Variants in DCUN1D4 observed in about 807,000 individuals in gnomAD.
DCUN1D4 encodes DCN1-like protein 4.
In DCUN1D4, 22 loss-of-function variants were observed where a neutral mutation model predicts 47.9. The ratio of observed to expected loss-of-function variants is 0.46; its 90% CI spans 0.33 to 0.66. DCUN1D4 has a LOEUF of 0.66. Among genes scored for constraint, DCUN1D4 ranks in the 30% least tolerant of loss-of-function variants. The pLI, the probability that DCUN1D4 is intolerant of heterozygous loss-of-function variation, is 0.02. For synonymous variants in DCUN1D4, 121 were observed against 112.2 expected (o/e 1.08, Z -0.50); for missense variants, 301 against 340.8 (o/e 0.88, Z 0.92).
At chr4:51,861,635 C>T (rs951458519) in intron 1 of DCUN1D4, among the ~76,000 whole-genome samples, 2 of 152,188 alleles carry the variant, frequency 1.3e-5, no homozygotes, top group South Asian at 2.1e-4. Context: ...TCTCTCCCCT[C>T]CCTTACCCTC....
chr4:51,837,073 T>G, the DCUN1D4 span, among the ~76,000 whole-genome samples: 1 of 152,256 alleles, frequency 6.6e-6, no homozygotes, highest in Admixed American at 6.5e-5. Flanking sequence ...ATAAAGGTCA[T>G]GCATTGTTTA....
intron 8 of DCUN1D4, 36 bp from the exon 9 acceptor site, chr4:51,911,034 G>A (rs754632372): frequency 1.3e-6 from 2 of 1,574,842 alleles, no homozygotes; most frequent in South Asian, 1.1e-5. Context: ...TTATTTGGGG[G>A]CATCTGGCTC....
intron 1 of DCUN1D4, chr4:51,848,506 A>G (rs923646116): frequency 2.7e-5 from 18 of 658,176 alleles, no homozygotes; most frequent in Middle Eastern, 1.5e-3. Flanking sequence ...TTTACAGAGT[A>G]AAATTTTCTT....
intron 1 of DCUN1D4, among the ~76,000 whole-genome samples, chr4:51,859,500 T>A (rs1183398106): frequency 3.9e-5 from 6 of 152,052 alleles, no homozygotes; most frequent in African/African-American, 1.4e-4. Context: ...AATAATTGTT[T>A]TATTAATGTT....
intron 1 of DCUN1D4, among the ~76,000 whole-genome samples, chr4:51,855,952 C>CAA: frequency 6.6e-6 from 1 of 152,114 alleles, no homozygotes; most frequent in Non-Finnish European, 1.5e-5. Flanking sequence ...GTTTTCTTTT[C>CAA]CCATATCACG....
chr4:51,842,968 G>A (rs537115558), upstream of DCUN1D4: 5 of 1,028,600 alleles, frequency 4.9e-6, no homozygotes, highest in Middle Eastern at 3.5e-4. Context: ...GGGCGTTACG[G>A]AGACAAGGCC....
intron 4 of DCUN1D4, among the ~76,000 whole-genome samples, chr4:51,876,475 C>T (rs1349834426): frequency 1.3e-5 from 2 of 152,004 alleles, no homozygotes; most frequent in African/African-American, 4.8e-5. Flanking sequence ...TGTTAAATGA[C>T]GAGTTAATGA....
chr4:51,877,240 T>C (rs1560483918), intron 4 of DCUN1D4, among the ~76,000 whole-genome samples: 1 of 152,232 alleles, frequency 6.6e-6, no homozygotes, highest in African/African-American at 2.4e-5. Flanking sequence ...TTTGTCAGCC[T>C]TACATCAAAG....
intron 3 of DCUN1D4, among the ~76,000 whole-genome samples, chr4:51,866,729 A>G (rs1725992817): frequency 6.6e-6 from 1 of 152,242 alleles, no homozygotes; most frequent in African/African-American, 2.4e-5. Context: ...TATTTAACCC[A>G]AAGTGTGGCA....
At chr4:51,870,492 T>G (rs961481147) in intron 3 of DCUN1D4, among the ~76,000 whole-genome samples, 2 of 152,074 alleles carry the variant, frequency 1.3e-5, no homozygotes, top group African/African-American at 4.8e-5. Flanking sequence ...GTTTTAAGTC[T>G]CTGGAAATGT....
At chr4:51,865,144 A>G (rs888300806) in intron 3 of DCUN1D4, 2 of 215,402 alleles carry the variant, frequency 9.3e-6, no homozygotes, top group Admixed American at 8.8e-5. Flanking sequence ...TTGTTCACAA[A>G]TGAACTGCAG....
At chr4:51,845,402 T>G (rs925304649) in intron 1 of DCUN1D4, among the ~76,000 whole-genome samples, 9 of 152,224 alleles carry the variant, frequency 5.9e-5, no homozygotes, top group Non-Finnish European at 1.3e-4. Flanking sequence ...GTCTTCAATT[T>G]TCGAAGAAGC....
upstream of DCUN1D4, chr4:51,843,023 C>T: frequency 1.5e-6 from 2 of 1,343,906 alleles, no homozygotes; most frequent in Non-Finnish European, 1.9e-6. Flanking sequence ...GCCTCGTTGC[C>T]AGCTCCAGAC....
intron 1 of DCUN1D4, chr4:51,843,743 G>GT (rs1277438473): frequency 8.3e-7 from 1 of 1,202,784 alleles, no homozygotes; most frequent in Non-Finnish European, 1.0e-6. Flanking sequence ...AGAAAGGCGG[G>GT]TGAGTGCGAG....
chr4:51,911,907 C>G (rs889978219), intron 9 of DCUN1D4, among the ~76,000 whole-genome samples: 1 of 152,082 alleles, frequency 6.6e-6, no homozygotes, highest in African/African-American at 2.4e-5. Context: ...CCTTTGCTTG[C>G]AAGGATGAGG....
chr4:51,884,066 C>T (rs1477874708), intron 5 of DCUN1D4, among the ~76,000 whole-genome samples: 1 of 150,518 alleles, frequency 6.6e-6, no homozygotes, highest in Admixed American at 6.6e-5. Flanking sequence ...GGACAAAACC[C>T]CAGAAAAAAG....
chr4:51,914,580 T>C lies in DCUN1D4; in HGVS notation c.*996T>C, dbSNP rs1017800781. ...TTTGAGAAAACAAGCATACTATAAG[T>C]GAGAGCTGTTTTGTTTTCCTTGTTT... On this transcript the variant is annotated 3_prime_UTR_variant, in exon 11 of 11. Coordinates refer to ENST00000334635, the MANE Select transcript of DCUN1D4 (RefSeq NM_001040402.3). 2 of 152,530 alleles carry C rather than the reference T, an allele frequency of 1.3e-5. No individual in the cohort carries two copies. Among genetic ancestry groups the C allele is most frequent in the Non-Finnish European group, 2.9e-5 (2 of 68,014 alleles). The allele number at this position is 152,530 out of a possible 1,614,324, so 9.4% of individuals were successfully genotyped here. A position where few individuals can be genotyped will look rare whatever the true frequency, so the allele number is the denominator to read the frequency against.
intron 3 of DCUN1D4, among the ~76,000 whole-genome samples, chr4:51,871,350 C>G (rs1726870594): frequency 6.6e-6 from 1 of 152,046 alleles, no homozygotes; most frequent in Non-Finnish European, 1.5e-5. Context: ...GTGTATTTGC[C>G]AAAAACATGC....
intron 1 of DCUN1D4, among the ~76,000 whole-genome samples, chr4:51,847,037 C>A (rs541275630): frequency 6.6e-6 from 1 of 152,130 alleles, no homozygotes; most frequent in Non-Finnish European, 1.5e-5. Context: ...TGATCTCATG[C>A]CACTGCTAGC....
Sources: gnomAD v4.1 joint callset for allele counts (sites outside exome capture counted in the v4.1 genomes callset) on GRCh38, gnomAD v4.1.1 for gene constraint, MANE v1.5 for transcripts, NCBI Gene and HGNC (gene_info 2026-07-23, HGNC 2026-07-21) for gene names.